The following DOK6 variants were observed in gnomAD, a reference collection of about 807,000 sequenced individuals.
DOK6 encodes the protein docking protein 6, also known as downstream of tyrosine kinase 6.
DOK6 carries 22 observed loss-of-function variants against 44.0 expected under a neutral mutation model. That is an observed-to-expected ratio of 0.50 (90% CI 0.36 to 0.71). DOK6 has a LOEUF of 0.71. Among genes scored for constraint, DOK6 ranks in the 30% least tolerant of loss-of-function variants. The pLI is 0.00. For synonymous variants in DOK6, 166 were observed against 145.5 expected (o/e 1.14, Z -1.01); for missense variants, 340 against 416.4 (o/e 0.82, Z 1.60).
chr18:69,600,007 T>C (rs940025758), intron 3 of DOK6, among the ~76,000 whole-genome samples: 2 of 152,232 alleles, frequency 1.3e-5, no homozygotes, highest in Admixed American at 6.5e-5. Flanking sequence ...CTGACATTAT[T>C]GAGACACAAG....
At chr18:69,443,387 C>T (rs114980053) in intron 1 of DOK6, among the ~76,000 whole-genome samples, 1,998 of 152,230 alleles carry the variant, frequency 0.013, 35 homozygotes, top group African/African-American at 0.044. Flanking sequence ...CCAGCACTTC[C>T]GGCAATGTGA....
intron 4 of DOK6, among the ~76,000 whole-genome samples, chr18:69,692,503 G>A (rs1277544623): frequency 6.6e-6 from 1 of 152,190 alleles, no homozygotes; most frequent in Admixed American, 6.5e-5. Flanking sequence ...TTTTTATCAC[G>A]TGATATTTTG....
intron 1 of DOK6, among the ~76,000 whole-genome samples, chr18:69,525,290 C>A (rs1720739001): frequency 6.6e-6 from 1 of 151,694 alleles, no homozygotes; most frequent in Non-Finnish European, 1.5e-5. Context: ...TTTAGATTTT[C>A]TTTATTTCAA....
At chr18:69,595,858 A>G (rs376473523) in intron 2 of DOK6, among the ~76,000 whole-genome samples, 1 of 152,132 alleles carries the variant, frequency 6.6e-6, no homozygotes, top group African/African-American at 2.4e-5. Context: ...CCTCATATAT[A>G]CTATTCATTC....
intron 3 of DOK6, among the ~76,000 whole-genome samples, chr18:69,599,778 G>A (rs1983830520): frequency 1.3e-5 from 2 of 152,106 alleles, no homozygotes; most frequent in Admixed American, 1.3e-4. Flanking sequence ...GTGTTGTTCG[G>A]GTGAGTGCAT....
intron 1 of DOK6, among the ~76,000 whole-genome samples, chr18:69,530,585 TG>T (rs971625883): frequency 1.3e-5 from 2 of 151,664 alleles, no homozygotes; most frequent in Non-Finnish European, 2.9e-5. Context: ...GAAGTATCAA[TG>T]AAAAAAAAAT....
chr18:69,439,742 G>A (rs1305898790), intron 1 of DOK6, among the ~76,000 whole-genome samples: 7 of 152,166 alleles, frequency 4.6e-5, no homozygotes, highest in Admixed American at 1.3e-4. Context: ...TGGCTTAAGG[G>A]AATGTTGTGG....
At chr18:69,593,533 G>A (rs995774441) in intron 2 of DOK6, among the ~76,000 whole-genome samples, 1 of 152,128 alleles carries the variant, frequency 6.6e-6, no homozygotes, top group African/African-American at 2.4e-5. Flanking sequence ...AAAAACTACT[G>A]TAACAATGTG....
intron 5 of DOK6, among the ~76,000 whole-genome samples, chr18:69,732,138 C>T (rs2144732119): frequency 6.6e-6 from 1 of 152,102 alleles, no homozygotes; most frequent in Admixed American, 6.5e-5. Flanking sequence ...TTTTATTTAG[C>T]CATTATATTG....
chr18:69,756,080 G>A lies in DOK6; in HGVS notation c.739-1676G>A, dbSNP rs114963869. The stretch of plus-strand genomic sequence containing the variant: ...CACCCCAATTCATTTCCTTTACTAC[G>A]CATGTGTTAAGGGACAGAATATTTT... On this transcript the variant is annotated intron_variant, in intron 6 of 7. Transcript: ENST00000382713. Among the ~76,000 whole-genome samples, 920 of 152,270 alleles carry A rather than the reference G, an allele frequency of 6.0e-3. 12 individuals carry two copies. Among genetic ancestry groups the A allele is most frequent in the African/African-American group, 0.021 (880 of 41,546 alleles).
intron 5 of DOK6, among the ~76,000 whole-genome samples, chr18:69,706,948 G>A (rs1267897890): frequency 6.6e-6 from 1 of 151,812 alleles, no homozygotes; most frequent in Non-Finnish European, 1.5e-5. Flanking sequence ...TGGACATTTG[G>A]ATTGGTTCCA....
chr18:69,509,421 AG>A (rs765877041), intron 1 of DOK6, among the ~76,000 whole-genome samples: 5 of 152,104 alleles, frequency 3.3e-5, no homozygotes, highest in East Asian at 1.9e-4. Flanking sequence ...GCGGATCACG[AG>A]GTCAGGAGAT....
At chr18:69,614,465 T>C (rs1286737968) in intron 3 of DOK6, among the ~76,000 whole-genome samples, 1 of 152,158 alleles carries the variant, frequency 6.6e-6, no homozygotes, top group Non-Finnish European at 1.5e-5. Flanking sequence ...TCAATATATG[T>C]ATACTTCATA....
chr18:69,507,885 G>C (rs1981240603), intron 1 of DOK6, among the ~76,000 whole-genome samples: 1 of 151,960 alleles, frequency 6.6e-6, no homozygotes, highest in African/African-American at 2.4e-5. Flanking sequence ...GATGCAGTCA[G>C]TGCAACTCAT....
At chr18:69,820,105 C>G (rs1248122433) in intron 7 of DOK6, among the ~76,000 whole-genome samples, 1 of 152,126 alleles carries the variant, frequency 6.6e-6, no homozygotes. Context: ...TGTATATAGA[C>G]ATATAGTGTG....
At chr18:69,551,525 G>A (rs1982565889) in intron 1 of DOK6, among the ~76,000 whole-genome samples, 1 of 152,038 alleles carries the variant, frequency 6.6e-6, no homozygotes, top group Non-Finnish European at 1.5e-5. Context: ...TCAGATATTT[G>A]AAATACAAAC....
At chr18:69,579,507 A>G (rs1033608456) in intron 2 of DOK6, among the ~76,000 whole-genome samples, 3 of 151,808 alleles carry the variant, frequency 2.0e-5, no homozygotes, top group Admixed American at 6.6e-5. Flanking sequence ...TATCATGTTA[A>G]TCTCCTAGTC....
chr18:69,657,531 AAT>A (rs1985400348), intron 3 of DOK6, among the ~76,000 whole-genome samples: 1 of 152,214 alleles, frequency 6.6e-6, no homozygotes, highest in South Asian at 2.1e-4. Context: ...ACTACAGCAT[AAT>A]CTAAGTAAAA....
intron 1 of DOK6, among the ~76,000 whole-genome samples, chr18:69,405,706 AAAACTAGTTTGT>A (rs1425480496): frequency 2.0e-5 from 3 of 152,214 alleles, no homozygotes; most frequent in Non-Finnish European, 4.4e-5. Context: ...CAAGTCTGTA[AAAACTAGTTTGT>A]AAAGAGAGAT....
Sources: allele counts gnomAD v4.1 joint callset (sites outside exome capture counted in the v4.1 genomes callset), GRCh38; gene constraint gnomAD v4.1.1; transcripts MANE v1.5; gene names NCBI Gene and HGNC (gene_info 2026-07-23, HGNC 2026-07-21).